APPL2: variants seen among roughly 807,000 people sequenced by gnomAD.
APPL2 encodes adaptor protein, phosphotyrosine interacting with PH domain and leucine zipper 2.
Under a neutral mutation model 92.7 loss-of-function variants are expected in APPL2, and 84 were observed. The observed-to-expected ratio is 0.91, with a 90% CI of 0.76 to 1.09. The LOEUF (loss-of-function observed/expected upper bound fraction) is 1.09. Among genes scored for constraint, APPL2 ranks in the 50% least tolerant of loss-of-function variants. The pLI, the probability that APPL2 is intolerant of heterozygous loss-of-function variation, is 0.00. For synonymous variants in APPL2, 291 were observed against 291.0 expected, an observed-to-expected ratio of 1.00 and a Z score of 0.00; for missense variants, 736 against 824.5, an observed-to-expected ratio of 0.89 and a Z score of 1.31.
At chr12:105,185,595 C>G (rs1213411704) in intron 17 of APPL2, among the ~76,000 whole-genome samples, 1 of 151,950 alleles carries the variant, frequency 6.6e-6, no homozygotes, top group Non-Finnish European at 1.5e-5. Context: ...TAACCAGTCC[C>G]AGTGAGATAA....
rs553454208 is a variant in APPL2 at position 105,231,603 on chromosome 12, C to T, written c.55-2380G>A. ...CTGAGGTCACCAGCAGGGTGGCTCT[C>T]ATCAGCGAGCATGATCTTTGGTCCA... On this transcript the variant is annotated intron_variant, in intron 1 of 20. Coordinates refer to ENST00000258530, the MANE Select transcript of APPL2 (RefSeq NM_018171.5). 1.7e-4 allele frequency among the ~76,000 whole-genome samples: 26 copies of T among 152,334 alleles called. 1 individual carries two copies. The highest frequency in any genetic ancestry group is 5.8e-4 in the African/African-American group (24 of 41,574).
At chr12:105,226,413 C>T (rs34186123) in intron 2 of APPL2, among the ~76,000 whole-genome samples, 4,017 of 152,256 alleles carry the variant, frequency 0.026, 91 homozygotes, top group Non-Finnish European at 0.035. Context: ...GGAGAACCCA[C>T]GTGATGATCA....
rs1239222382 is a variant in APPL2, at chr12:105,190,109, C to T, written c.1288G>A (p.Val430Ile). The T allele has an allele frequency of 2.5e-6, 4 of 1,613,650 alleles. No homozygotes were observed. The highest frequency in any genetic ancestry group is 1.7e-5 in the Admixed American group (1 of 59,884). ...GGTAGACTGGCTGTTGCTTTGGGAA[C>T]AATCTTGTCATTTTCATTTTCCATC... ...SEMENENDKI[V>I]PKATASLPEA... Residue 430 changes from valine (V) to isoleucine (I), a missense_variant, in exon 15 of 21, where the codon GTT becomes ATT. Val to Ile is a conservative substitution (Grantham distance 29). Transcript: ENST00000258530.
chr12:105,231,058 T>C (rs2136097764), intron 1 of APPL2, among the ~76,000 whole-genome samples: 1 of 152,364 alleles, frequency 6.6e-6, no homozygotes, highest in East Asian at 1.9e-4. Context: ...ATTGTGGCTT[T>C]TTCCTATTTT....
rs148319642 is a variant in APPL2, at chr12:105,174,227, G to T, written c.*87C>A. On this transcript the variant is annotated 3_prime_UTR_variant, in exon 21 of 21. Coordinates refer to ENST00000258530, the MANE Select transcript of APPL2 (RefSeq NM_018171.5). ...ACGATTGTCAGCCTTCGGAAATCAG[G>T]TCAGTGTGCCTGTATGTCAGAGACG... 505 of 1,481,158 alleles carry T rather than the reference G, an allele frequency of 3.4e-4. 1 individual carries two copies. Among genetic ancestry groups the T allele is most frequent in the Non-Finnish European group, 4.2e-4 (461 of 1,102,518 alleles). The allele number at this position is 1,481,158 out of a possible 1,614,324, so 91.8% of individuals were successfully genotyped here.
chr12:105,185,946 C>T (rs959223955), intron 17 of APPL2, among the ~76,000 whole-genome samples: 13 of 152,160 alleles, frequency 8.5e-5, no homozygotes, highest in African/African-American at 3.1e-4. Flanking sequence ...TTCCTCCTCC[C>T]ACCCTCTGGC....
At chr12:105,213,890 A>T (rs1889423813) in intron 4 of APPL2, among the ~76,000 whole-genome samples, 1 of 152,220 alleles carries the variant, frequency 6.6e-6, no homozygotes. Context: ...TACTACCTGT[A>T]ACAACCACAC....
At chr12:105,227,806 T>C (rs961914364) in intron 2 of APPL2, among the ~76,000 whole-genome samples, 1 of 152,142 alleles carries the variant, frequency 6.6e-6, no homozygotes, top group African/African-American at 2.4e-5. Flanking sequence ...ACCAATACCA[T>C]AGGCATAATA....
intron 4 of APPL2, among the ~76,000 whole-genome samples, chr12:105,213,589 C>T (rs765909984): frequency 2.6e-5 from 4 of 152,180 alleles, no homozygotes; most frequent in Admixed American, 6.5e-5. Context: ...AATCACCATG[C>T]GTGGAAATCT....
At position 105,219,216 on chromosome 12, in the gene APPL2, C is replaced by G. The variant is rs192004940; in HGVS notation, c.154-1491G>C. Among the ~76,000 whole-genome samples, 52 of 152,300 alleles carry G rather than the reference C, an allele frequency of 3.4e-4. No homozygotes were observed. The East Asian group carries it at 9.5e-3, about 28-fold the overall frequency. Reference sequence around the variant, plus strand: ...TTTTATTTTTCCCAGTCCTATTTGGCAGAATACAGTAGAGCCAAGTCCTAC... The same window carrying G: ...TTTTATTTTTCCCAGTCCTATTTGGGAGAATACAGTAGAGCCAAGTCCTAC... On this transcript the variant is annotated intron_variant, in intron 2 of 20. Transcript: ENST00000258530.
At chr12:105,206,247 A>T (rs989155877) in intron 8 of APPL2, among the ~76,000 whole-genome samples, 1 of 152,212 alleles carries the variant, frequency 6.6e-6, no homozygotes, top group African/African-American at 2.4e-5. Flanking sequence ...AGATGTTCAT[A>T]TATCAGGTAT....
intron 2 of APPL2, among the ~76,000 whole-genome samples, chr12:105,221,881 C>T (rs1352370645): frequency 6.6e-6 from 1 of 152,200 alleles, no homozygotes; most frequent in African/African-American, 2.4e-5. Flanking sequence ...CTTTCTGTAG[C>T]ACAGAACGCT....
At position 105,173,464 on chromosome 12, in the gene APPL2, C is replaced by G. The variant is rs1394404959; in HGVS notation, c.*850G>C. On this transcript the variant is annotated 3_prime_UTR_variant, in exon 21 of 21. Coordinates refer to ENST00000258530, the MANE Select transcript of APPL2 (RefSeq NM_018171.5). ...CTGGGGTTCCAGGAATTGGAAGTAT[C>G]AGGGTGGAAATAGGAACTTTATACC... 3 of 152,488 alleles carry G rather than the reference C, an allele frequency of 2.0e-5. No individual in the cohort carries two copies. Among genetic ancestry groups the G allele is most frequent in the Admixed American group, 6.6e-5 (1 of 15,238 alleles). The allele number at this position is 152,488 out of a possible 1,614,324, so 9.4% of individuals were successfully genotyped here. A position where few individuals can be genotyped will look rare whatever the true frequency, so the allele number is the denominator to read the frequency against.
At chr12:105,189,637 C>A in intron 16 of APPL2, 135 bp downstream of exon 16, 1 of 1,050,256 alleles carries the variant, frequency 9.5e-7, no homozygotes, top group Non-Finnish European at 1.4e-6. Flanking sequence ...AGATATCTTA[C>A]TAAACTTTCA....
At chr12:105,174,563 T>G in intron 20 of APPL2, 115 bp from the exon 21 acceptor site, 1 of 1,129,130 alleles carries the variant, frequency 8.9e-7, no homozygotes, top group Non-Finnish European at 1.2e-6. Flanking sequence ...CTGACTCTTG[T>G]GTATATGTGC....
intron 14 of APPL2, among the ~76,000 whole-genome samples, chr12:105,192,130 G>T (rs1887257302): frequency 6.6e-6 from 1 of 152,128 alleles, no homozygotes; most frequent in Non-Finnish European, 1.5e-5. Context: ...CAGGTGTTCA[G>T]CTCCAACTGA....
At position 105,187,301 on chromosome 12, in the gene APPL2, A is replaced by G. The variant is rs564586761; in HGVS notation, c.1634+972T>C. ...CTATAGTCCTAGTTACCTTTTTTGA[A>G]GCTAACGTTCATTGAGCACTTTTCA... On this transcript the variant is annotated intron_variant, in intron 17 of 20. Transcript: ENST00000258530. Among the ~76,000 whole-genome samples, 16 of 152,326 alleles carry G rather than the reference A, an allele frequency of 1.1e-4. No homozygotes were observed. In the South Asian group the frequency reaches 3.1e-3, roughly 30 times the overall value.
At chr12:105,214,186 C>T (rs1352672360) in intron 4 of APPL2, among the ~76,000 whole-genome samples, 3 of 152,026 alleles carry the variant, frequency 2.0e-5, no homozygotes, top group Non-Finnish European at 4.4e-5. Flanking sequence ...AACTCTGTCT[C>T]AAAAAATAAA....
chr12:105,175,939 C>G (rs1189745388), intron 20 of APPL2, 96 bp downstream of exon 20: 6 of 1,249,270 alleles, frequency 4.8e-6, no homozygotes, highest in African/African-American at 4.8e-5. Flanking sequence ...GCCACACTTT[C>G]CAGTGAACAT....
Sources: allele counts gnomAD v4.1 joint callset (sites outside exome capture counted in the v4.1 genomes callset), GRCh38; gene constraint gnomAD v4.1.1; transcripts MANE v1.5; gene names NCBI Gene and HGNC (gene_info 2026-07-23, HGNC 2026-07-21).